The following PPP2R5C variants were observed in gnomAD, a reference collection of about 807,000 sequenced individuals.
PPP2R5C encodes the protein serine/threonine-protein phosphatase 2A 56 kDa regulatory subunit gamma isoform.
A neutral mutation model predicts 68.9 loss-of-function variants in PPP2R5C; 7 were observed. The ratio of observed to expected loss-of-function variants is 0.10; its 90% confidence interval spans 0.06 to 0.19. The LOEUF (loss-of-function observed/expected upper bound fraction) is 0.19. PPP2R5C is among the 10% of genes least tolerant of loss of function. The pLI, the probability that PPP2R5C is intolerant of heterozygous loss-of-function variation, is 1.00. For synonymous variants in PPP2R5C, 210 were observed against 222.2 expected (o/e 0.95, Z 0.49); for missense variants, 348 against 641.3 (o/e 0.54, Z 4.94).
At position 101,917,864 on chromosome 14, in the gene PPP2R5C, A is replaced by G; in HGVS notation, c.1360A>G (p.Ile454Val). The stretch of plus-strand genomic sequence containing the variant: ...GTATAGTCAAGCCAGCACCATGAGC[A>G]TTCCGGTTGCAATGGAGACAGATGG... The change falls in exon 13 of 14, where the codon ATT becomes GTT. Residue 454 changes from isoleucine (I) to valine (V), a missense_variant. Around this residue, in one of 4 missense-constraint regions of PPP2R5C, gnomAD observed 118 missense variants for 108.9 expected, o/e 1.08. Transcript: ENST00000334743. The surrounding 1 kb of genome is among the most constrained non-coding windows in gnomAD (Gnocchi z 4.4). 1 of 1,613,786 alleles carries G rather than the reference A, an allele frequency of 6.2e-7. No individual in the cohort carries two copies. The highest frequency in any genetic ancestry group is 8.5e-7 in the Non-Finnish European group (1 of 1,179,762).
upstream of PPP2R5C, chr14:101,761,783 G>GCGT (rs1284515508): frequency 1.1e-6 from 1 of 952,190 alleles, no homozygotes; most frequent in Admixed American, 6.5e-5. Context: ...CAGTCCCCGG[G>GCGT]CGGCGGCGGC....
At chr14:101,914,338 T>A (rs766169930) in intron 12 of PPP2R5C, 71 of 346,708 alleles carry the variant, frequency 2.0e-4, no homozygotes, top group Non-Finnish European at 3.7e-4. Flanking sequence ...AGAAAATACT[T>A]CATGGGTCAA....
intron 1 of PPP2R5C, among the ~76,000 whole-genome samples, chr14:101,829,766 A>T (rs978597797): frequency 1.2e-4 from 18 of 152,154 alleles, no homozygotes; most frequent in African/African-American, 4.3e-4. Context: ...ATCCAGCTCC[A>T]CATGGTGGCC....
chr14:101,921,217 C>CA, intron 13 of PPP2R5C: 1 of 236,830 alleles, frequency 4.2e-6, no homozygotes, highest in Non-Finnish European at 8.8e-6. Flanking sequence ...ACCGGCACCA[C>CA]CACACTCAGC....
At chr14:101,816,589 T>C (rs1377377085) in intron 1 of PPP2R5C, among the ~76,000 whole-genome samples, 3 of 152,048 alleles carry the variant, frequency 2.0e-5, no homozygotes, top group Non-Finnish European at 4.4e-5. Context: ...GTTGGATGTG[T>C]GGAATTACTG....
chr14:101,779,991 C>T (rs2037598170), intron 2 of PPP2R5C, among the ~76,000 whole-genome samples: 1 of 152,158 alleles, frequency 6.6e-6, no homozygotes, highest in South Asian at 2.1e-4. Context: ...CCCCATTGCC[C>T]AGCCTTGGCC....
At chr14:101,858,730 G>T (rs927479766) in intron 2 of PPP2R5C, among the ~76,000 whole-genome samples, 1 of 152,118 alleles carries the variant, frequency 6.6e-6, no homozygotes, top group Admixed American at 6.5e-5. Flanking sequence ...ACGTGTGGAA[G>T]ATTTTCCTAT....
chr14:101,889,969 T>TC, intron 5 of PPP2R5C: 1 of 562,466 alleles, frequency 1.8e-6, no homozygotes, highest in Non-Finnish European at 3.4e-6. Flanking sequence ...TAGAATTCTT[T>TC]CCGTTTTCCT....
At chr14:101,793,174 G>A (rs994509086) in intron 3 of PPP2R5C, among the ~76,000 whole-genome samples, 1 of 152,050 alleles carries the variant, frequency 6.6e-6, no homozygotes, top group Non-Finnish European at 1.5e-5. Flanking sequence ...CACCACACCT[G>A]GCCAAATCAG....
intron 1 of PPP2R5C, among the ~76,000 whole-genome samples, chr14:101,839,857 T>A (rs1392174877): frequency 6.6e-6 from 1 of 152,098 alleles, no homozygotes; most frequent in Non-Finnish European, 1.5e-5. Flanking sequence ...GAGGAGCCCA[T>A]GAAGCCTGGC....
At position 101,781,161 on chromosome 14, in the gene PPP2R5C, G is replaced by A. The variant is rs997145680; in HGVS notation, c.94-4857G>A. On this transcript the variant is annotated intron_variant, in intron 2 of 14. Transcript: ENST00000328724. The surrounding 1 kb of genome is among the most constrained non-coding windows in gnomAD (Gnocchi z 6.4). ...GACATCAGAGCAGGGAGGGAGCCGG[G>A]TGTCGGGGCTGCGGCAGGGTCCCCA... is the stretch of plus-strand genomic sequence containing the variant. Among the ~76,000 whole-genome samples the A allele has an allele frequency of 6.6e-6, 1 of 152,198 alleles. No homozygotes were observed. The highest frequency in any genetic ancestry group is 2.1e-4 in the South Asian group (1 of 4,834).
intron 2 of PPP2R5C, among the ~76,000 whole-genome samples, chr14:101,772,307 T>C (rs1595119567): frequency 6.6e-6 from 1 of 151,978 alleles, no homozygotes; most frequent in East Asian, 1.9e-4. Flanking sequence ...GGAGGCCCTG[T>C]CTACTGCTTG....
chr14:101,829,096 A>T lies in PPP2R5C; in HGVS notation c.94+19060A>T, dbSNP rs182168531. 3.8e-4 allele frequency among the ~76,000 whole-genome samples: 58 copies of T among 152,236 alleles called. No homozygotes were observed. The South Asian group carries it at 4.6e-3, about 12-fold the overall frequency. ...CTGAATCGTGTTTCTTTTATTGCTGAGTCTGGTTGGCGTGTTCCTGGTATT... is the reference window on the plus strand; with the variant it reads ...CTGAATCGTGTTTCTTTTATTGCTGTGTCTGGTTGGCGTGTTCCTGGTATT... On this transcript the variant is annotated intron_variant, in intron 1 of 13. Transcript: ENST00000334743.
chr14:101,844,373 C>T (rs888172146), intron 1 of PPP2R5C, among the ~76,000 whole-genome samples: 2 of 152,160 alleles, frequency 1.3e-5, no homozygotes, highest in African/African-American at 2.4e-5. Flanking sequence ...GTTCTGATAT[C>T]GTGGTTTCTG....
chr14:101,825,435 A>G lies in PPP2R5C; in HGVS notation c.94+15399A>G, dbSNP rs1332463801. On this transcript the variant is annotated intron_variant, in intron 1 of 13. Transcript: ENST00000334743. The surrounding 1 kb of genome is among the most constrained non-coding windows in gnomAD (Gnocchi z 4.0). The stretch of plus-strand genomic sequence containing the variant: ...CAAGATCATGGGTTTAAGATTTGAG[A>G]CTTGGCCAAAAGGTAGCTTTCCTAG... Among the ~76,000 whole-genome samples the G allele has an allele frequency of 6.6e-6, 1 of 152,118 alleles. No homozygotes were observed. Among genetic ancestry groups the G allele is most frequent in the African/African-American group, 2.4e-5 (1 of 41,404 alleles).
intron 3 of PPP2R5C, 71 bp from the exon 6 acceptor site, chr14:101,883,186 T>TAA: frequency 9.1e-7 from 1 of 1,094,460 alleles, no homozygotes; most frequent in Non-Finnish European, 1.3e-6. Flanking sequence ...AAAGATTCAA[T>TAA]TTCTGGTATA....
At chr14:101,768,866 C>A (rs1022266239) in intron 2 of PPP2R5C, among the ~76,000 whole-genome samples, 6 of 151,552 alleles carry the variant, frequency 4.0e-5, no homozygotes, top group Non-Finnish European at 7.4e-5. Flanking sequence ...GCTCTGTCAC[C>A]CAGGCTGGAG....
intron 6 of PPP2R5C, among the ~76,000 whole-genome samples, chr14:101,892,691 G>A (rs866151612): frequency 8.5e-5 from 13 of 152,048 alleles, no homozygotes; most frequent in African/African-American, 2.9e-4. Flanking sequence ...CTGTTGCAGG[G>A]ACCGGAGCAC....
At chr14:101,862,271 A>G (rs897729578) in intron 2 of PPP2R5C, among the ~76,000 whole-genome samples, 5 of 152,190 alleles carry the variant, frequency 3.3e-5, no homozygotes, top group Non-Finnish European at 4.4e-5. Flanking sequence ...CAGCCTCCCA[A>G]TGCTGCAGAC....
Sources: gnomAD v4.1 joint callset for allele counts (sites outside exome capture counted in the v4.1 genomes callset) on GRCh38, gnomAD v4.1.1 for gene constraint, gnomAD v4.1.1 regional missense constraint, Gnocchi (gnomAD v3.1) non-coding constraint, MANE v1.5 for transcripts, NCBI Gene and HGNC (gene_info 2026-07-23, HGNC 2026-07-21) for gene names.